The following MSRA variants were observed in gnomAD, a reference collection of about 807,000 sequenced individuals.
MSRA encodes the protein mitochondrial peptide methionine sulfoxide reductase.
MSRA carries 54 observed loss-of-function variants against 31.3 expected under a neutral mutation model. The observed-to-expected ratio is 1.73, with a 90% CI of 1.39 to 2.17. The LOEUF is 2.17. Among genes scored for constraint, MSRA ranks in the 30% most tolerant of loss-of-function variants. MSRA has a pLI of 0.00. For synonymous variants in MSRA, 169 were observed against 116.5 expected (o/e 1.45, Z -2.90); for missense variants, 507 against 300.9 (o/e 1.69, Z -5.07).
At chr8:10,193,623 G>A (rs1014943889) in intron 1 of MSRA, among the ~76,000 whole-genome samples, 2 of 152,204 alleles carry the variant, frequency 1.3e-5, no homozygotes, top group African/African-American at 4.8e-5. Context: ...GAGTTAAGAT[G>A]TTCTATTTCG....
chr8:10,156,763 C>A (rs1200265131), intron 1 of MSRA, among the ~76,000 whole-genome samples: 5 of 149,166 alleles, frequency 3.4e-5, no homozygotes, highest in Non-Finnish European at 7.4e-5. Flanking sequence ...TCCAGTCATG[C>A]AGTTGTACTT....
At chr8:10,379,262 G>A (rs1190879573) in intron 5 of MSRA, among the ~76,000 whole-genome samples, 1 of 151,778 alleles carries the variant, frequency 6.6e-6, no homozygotes, top group Non-Finnish European at 1.5e-5. Flanking sequence ...AACCTTCCCT[G>A]TAAGCCCTCA....
intron 4 of MSRA, among the ~76,000 whole-genome samples, chr8:10,318,239 A>C (rs1268831059): frequency 6.6e-6 from 1 of 152,222 alleles, no homozygotes; most frequent in Non-Finnish European, 1.5e-5. Flanking sequence ...TGGGTCACTG[A>C]ATGTCTCTGA....
In MSRA at chr8:10,057,728, C is replaced by G. The variant is rs143527362; in HGVS notation, c.142+3070C>G. Reference sequence around the variant, plus strand: ...TGTAGCTTGCCCCTTTGCGCTCTCTCGTTCTCTCCTGCTCCTTTGTGTGGA... The same window carrying G: ...TGTAGCTTGCCCCTTTGCGCTCTCTGGTTCTCTCCTGCTCCTTTGTGTGGA... On this transcript the variant is annotated intron_variant, in intron 1 of 5. Transcript: ENST00000317173. Among the ~76,000 whole-genome samples the G allele has an allele frequency of 4.8e-3, 729 of 152,286 alleles. 3 individuals are homozygous for G. The highest frequency in any genetic ancestry group is 6.1e-3 in the Non-Finnish European group (413 of 68,024).
chr8:10,286,042 T>C (rs1011703595), intron 3 of MSRA, among the ~76,000 whole-genome samples: 1 of 152,018 alleles, frequency 6.6e-6, no homozygotes, highest in Non-Finnish European at 1.5e-5. Context: ...CAGAGGGAGC[T>C]GTGGGGTTCT....
intron 3 of MSRA, among the ~76,000 whole-genome samples, chr8:10,277,539 T>A (rs1799388291): frequency 6.6e-6 from 1 of 152,216 alleles, no homozygotes; most frequent in Admixed American, 6.5e-5. Context: ...TTTCACTGGG[T>A]CTGGTTCCAA....
intron 3 of MSRA, among the ~76,000 whole-genome samples, chr8:10,259,467 T>C (rs992042095): frequency 6.6e-6 from 1 of 152,126 alleles, no homozygotes; most frequent in Non-Finnish European, 1.5e-5. Flanking sequence ...GAAGCAGGTG[T>C]GTAGGGACCC....
intron 1 of MSRA, 45 bp downstream of exon 1, chr8:10,054,703 T>G (rs765128475): frequency 4.1e-6 from 6 of 1,463,564 alleles, no homozygotes; most frequent in Non-Finnish European, 4.6e-6. Context: ...ACGCTGCGCA[T>G]GCGCGCCTTT....
intron 1 of MSRA, among the ~76,000 whole-genome samples, chr8:10,172,878 A>G (rs1019532620): frequency 6.6e-6 from 1 of 152,234 alleles, no homozygotes; most frequent in Admixed American, 6.5e-5. Context: ...CAAAGATGAA[A>G]GTGAGTCTTA....
At chr8:10,417,419 GACAC>G (rs1184991397) in intron 5 of MSRA, among the ~76,000 whole-genome samples, 22 of 145,374 alleles carry the variant, frequency 1.5e-4, no homozygotes, top group Non-Finnish European at 9.0e-5. Context: ...TTCGTCAGAA[GACAC>G]ACACACACAC....
intron 1 of MSRA, among the ~76,000 whole-genome samples, chr8:10,092,732 T>C (rs1436689487): frequency 6.6e-6 from 1 of 152,232 alleles, no homozygotes; most frequent in African/African-American, 2.4e-5. Context: ...TCAAGTTTTC[T>C]GTTTCCTTGC....
intron 3 of MSRA, 131 bp downstream of exon 3, chr8:10,245,354 T>C (rs1360855306): frequency 8.8e-6 from 7 of 792,892 alleles, no homozygotes; most frequent in African/African-American, 5.3e-5. Context: ...ATTATTTGTA[T>C]ATATATACTT....
chr8:10,392,590 T>A (rs1806815026), intron 5 of MSRA, among the ~76,000 whole-genome samples: 1 of 152,098 alleles, frequency 6.6e-6, no homozygotes, highest in African/African-American at 2.4e-5. Context: ...AAGCATACCC[T>A]GTCATTAAAC....
At chr8:10,289,583 T>C (rs2129115154) in intron 3 of MSRA, among the ~76,000 whole-genome samples, 1 of 152,324 alleles carries the variant, frequency 6.6e-6, no homozygotes, top group South Asian at 2.1e-4. Context: ...GTCACCCTGT[T>C]GTGCTATCAA....
intron 5 of MSRA, among the ~76,000 whole-genome samples, chr8:10,390,873 G>C (rs1455700853): frequency 6.6e-6 from 1 of 152,094 alleles, no homozygotes; most frequent in Non-Finnish European, 1.5e-5. Flanking sequence ...CTACTCGGGA[G>C]GCTGAGGCAG....
intron 1 of MSRA, among the ~76,000 whole-genome samples, chr8:10,155,000 T>TATATATATATATA (rs1554468796): frequency 1.0e-5 from 1 of 98,376 alleles, no homozygotes; most frequent in Non-Finnish European, 1.9e-5. Flanking sequence ...TGTGTATATA[T>TATATATATATATA]TTTATATATA....
rs920633974 is a variant in MSRA at position 10,269,887 on chromosome 8, G to A, written c.331+24664G>A. On this transcript the variant is annotated intron_variant, in intron 3 of 5. Coordinates refer to ENST00000317173, the MANE Select transcript of MSRA (RefSeq NM_012331.5). ...AGGATGGTCTCGATCTCCTGACCTC[G>A]TGATCTGCCCACCTCAGCCTCCCAA... is the stretch of plus-strand genomic sequence containing the variant. Among the ~76,000 whole-genome samples the A allele has an allele frequency of 5.3e-5, 8 of 152,144 alleles. No individual in the cohort carries two copies. The East Asian group carries it at 1.2e-3, about 22-fold the overall frequency.
intron 2 of MSRA, among the ~76,000 whole-genome samples, chr8:10,237,905 C>G (rs1240111593): frequency 1.3e-5 from 2 of 152,214 alleles, no homozygotes; most frequent in South Asian, 4.1e-4. Context: ...TTCACTGCAT[C>G]TGTGCTTGGT....
chr8:10,339,868 G>C (rs1307102692), intron 5 of MSRA, among the ~76,000 whole-genome samples: 1 of 152,038 alleles, frequency 6.6e-6, no homozygotes, highest in Non-Finnish European at 1.5e-5. Flanking sequence ...CAGGCTGTCT[G>C]ATGACTAACG....
Sources: gnomAD v4.1 joint callset for allele counts (sites outside exome capture counted in the v4.1 genomes callset) on GRCh38, gnomAD v4.1.1 for gene constraint, MANE v1.5 for transcripts, NCBI Gene and HGNC (gene_info 2026-07-23, HGNC 2026-07-21) for gene names.